Variants in MKLN1 observed in about 807,000 individuals in gnomAD.
The protein encoded by MKLN1 is muskelin 1.
Under a neutral mutation model 99.0 loss-of-function variants are expected in MKLN1, and 18 were observed. The ratio of observed to expected loss-of-function variants is 0.18; its 90% confidence interval spans 0.13 to 0.27. The LOEUF (loss-of-function observed/expected upper bound fraction) is 0.27. Ranked by LOEUF, MKLN1 falls within the 10% of genes least tolerant of loss-of-function variation. The pLI is 1.00. For synonymous variants in MKLN1, 288 were observed against 293.2 expected (o/e 0.98, Z 0.18); for missense variants, 621 against 875.9 (o/e 0.71, Z 3.67).
chr7:131,336,338 T>C (rs527901970), intron 1 of MKLN1, among the ~76,000 whole-genome samples: 10 of 152,078 alleles, frequency 6.6e-5, no homozygotes, highest in South Asian at 2.1e-4. Context: ...GCTTTATATT[T>C]GGGGTCTGTT....
rs1368139104 is a variant in MKLN1 at position 131,490,142 on chromosome 7, GATT to G, written c.*2417_*2419del. The G allele has an allele frequency of 6.6e-6, 1 of 152,528 alleles. No homozygotes were observed. The highest frequency in any genetic ancestry group is 1.5e-5 in the Non-Finnish European group (1 of 68,010). 9.4% of individuals were successfully genotyped at this position (152,528 alleles called of 1,614,324 possible). ...ATGTATTTCCAAGAATTCCAGCATA[GATT>G]ATAATTTAAATAATCGAATTTGGTA... On this transcript the variant is annotated 3_prime_UTR_variant, in exon 18 of 18. Coordinates refer to ENST00000352689, the MANE Select transcript of MKLN1 (RefSeq NM_013255.5).
intron 2 of MKLN1, among the ~76,000 whole-genome samples, chr7:131,381,893 A>G (rs933935233): frequency 6.6e-6 from 1 of 152,182 alleles, no homozygotes; most frequent in Non-Finnish European, 1.5e-5. Flanking sequence ...ATACATCTGT[A>G]TGTACTCACA....
chr7:131,236,535 C>T (rs1797324184), intron 3 of MKLN1, among the ~76,000 whole-genome samples: 1 of 152,116 alleles, frequency 6.6e-6, no homozygotes, highest in East Asian at 1.9e-4. Flanking sequence ...GAGGTGCCCA[C>T]CTGTAGTCCT....
At chr7:131,218,706 C>G (rs562561712) in intron 3 of MKLN1, among the ~76,000 whole-genome samples, 4 of 152,082 alleles carry the variant, frequency 2.6e-5, no homozygotes, top group Non-Finnish European at 5.9e-5. Context: ...CATGGATGAA[C>G]CTTGGGAACA....
intron 1 of MKLN1, among the ~76,000 whole-genome samples, chr7:131,123,044 A>AAAAG (rs1795400257): frequency 6.7e-6 from 1 of 148,862 alleles, no homozygotes; most frequent in Admixed American, 6.7e-5. Context: ...AAAAAAAAAA[A>AAAAG]AAAAAGTGTT....
At chr7:131,137,874 C>T (rs1357943120) in intron 1 of MKLN1, among the ~76,000 whole-genome samples, 1 of 151,442 alleles carries the variant, frequency 6.6e-6, no homozygotes, top group African/African-American at 2.4e-5. Flanking sequence ...TGCACCCGGC[C>T]AGAACACATG....
At chr7:131,434,806 C>A (rs928711426) in intron 9 of MKLN1, among the ~76,000 whole-genome samples, 3 of 152,180 alleles carry the variant, frequency 2.0e-5, no homozygotes, top group Admixed American at 6.5e-5. Context: ...AATCCTCCCA[C>A]CTTGGCCTCC....
chr7:131,389,911 A>T (rs1169128742), intron 4 of MKLN1, among the ~76,000 whole-genome samples: 1 of 152,018 alleles, frequency 6.6e-6, no homozygotes, highest in Non-Finnish European at 1.5e-5. Flanking sequence ...CAAAAAAAAA[A>T]TACTTCTAAT....
At chr7:131,117,068 G>A (rs1795288539) in intron 1 of MKLN1, among the ~76,000 whole-genome samples, 3 of 151,992 alleles carry the variant, frequency 2.0e-5, no homozygotes, top group Admixed American at 2.0e-4. Flanking sequence ...CCTTTTCTAG[G>A]ACTGAAGCAC....
chr7:131,430,576 G>C (rs1795494611), intron 9 of MKLN1, among the ~76,000 whole-genome samples: 1 of 152,088 alleles, frequency 6.6e-6, no homozygotes, highest in Admixed American at 6.6e-5. Context: ...CTTCTTCAGT[G>C]AATGTGTCTA....
At chr7:131,337,485 C>G (rs994298461) in intron 1 of MKLN1, among the ~76,000 whole-genome samples, 1 of 151,950 alleles carries the variant, frequency 6.6e-6, no homozygotes, top group Non-Finnish European at 1.5e-5. Flanking sequence ...GTCCAATCTG[C>G]TTTTTAACCC....
intron 12 of MKLN1, among the ~76,000 whole-genome samples, chr7:131,450,753 G>A (rs1176089418): frequency 6.6e-5 from 10 of 152,182 alleles, no homozygotes. Flanking sequence ...ATCTTAGCTT[G>A]TAGATCGTTG....
At chr7:131,126,064 A>T (rs1262979692) in intron 1 of MKLN1, among the ~76,000 whole-genome samples, 4 of 150,058 alleles carry the variant, frequency 2.7e-5, no homozygotes, top group African/African-American at 9.7e-5. Flanking sequence ...ATTAATTAAT[A>T]AATAAAAATC....
intron 2 of MKLN1, among the ~76,000 whole-genome samples, chr7:131,197,209 T>C (rs190251877): frequency 5.0e-4 from 76 of 152,064 alleles, no homozygotes; most frequent in African/African-American, 1.8e-3. Flanking sequence ...GTTTGATTGA[T>C]TGATTTTTTT....
chr7:131,476,904 A>G (rs1475385444), intron 16 of MKLN1, among the ~76,000 whole-genome samples: 1 of 152,242 alleles, frequency 6.6e-6, no homozygotes, highest in Non-Finnish European at 1.5e-5. Flanking sequence ...GATCAGTACA[A>G]CAGAATAGAG....
At chr7:131,317,109 A>C (rs375593594) in intron 3 of MKLN1, among the ~76,000 whole-genome samples, 93 of 152,316 alleles carry the variant, frequency 6.1e-4, no homozygotes, top group Middle Eastern at 3.4e-3. Context: ...AGAGAACACC[A>C]CTAAGATATT....
chr7:131,410,774 C>G (rs938909604), intron 6 of MKLN1, among the ~76,000 whole-genome samples: 3 of 152,060 alleles, frequency 2.0e-5, no homozygotes, highest in Admixed American at 1.3e-4. Context: ...CTTTAGTTAT[C>G]CTTTCCTCTT....
chr7:131,471,743 G>A (rs1382602618), intron 16 of MKLN1: 1 of 152,104 alleles, frequency 6.6e-6, no homozygotes, highest in Non-Finnish European at 1.5e-5. Context: ...GTCTCTTTCC[G>A]TGTTAGCTCC....
At chr7:131,123,612 AC>A (rs1305705261) in intron 1 of MKLN1, among the ~76,000 whole-genome samples, 1 of 152,094 alleles carries the variant, frequency 6.6e-6, no homozygotes, top group Admixed American at 6.6e-5. Flanking sequence ...ACATGGTGAA[AC>A]CCTGTCTCTA....
Sources: gnomAD v4.1 joint callset for allele counts (sites outside exome capture counted in the v4.1 genomes callset) on GRCh38, gnomAD v4.1.1 for gene constraint, MANE v1.5 for transcripts, NCBI Gene and HGNC (gene_info 2026-07-23, HGNC 2026-07-21) for gene names.